Variants in DSG2 observed in about 807,000 individuals in gnomAD.
The protein encoded by DSG2 is desmoglein-2.
Under a neutral mutation model 75.6 loss-of-function variants are expected in DSG2, and 45 were observed. The ratio of observed to expected loss-of-function variants is 0.60; its 90% CI spans 0.47 to 0.76. The LOEUF is 0.76. Among genes scored for constraint, DSG2 ranks in the 30% least tolerant of loss-of-function variants. The pLI, the probability that DSG2 is intolerant of heterozygous loss-of-function variation, is 0.00. For synonymous variants in DSG2, 429 were observed against 483.9 expected (o/e 0.89, Z 1.49); for missense variants, 1,267 against 1,357.4 (o/e 0.93, Z 1.05).
intron 1 of DSG2, among the ~76,000 whole-genome samples, chr18:31,510,758 G>T (rs952071682): frequency 1.3e-5 from 2 of 152,156 alleles, no homozygotes; most frequent in Admixed American, 6.5e-5. Flanking sequence ...AGAATTTTTT[G>T]GTTCATCTGA....
At chr18:31,498,576 G>T (rs1352178011) in intron 1 of DSG2, among the ~76,000 whole-genome samples, 1 of 152,098 alleles carries the variant, frequency 6.6e-6, no homozygotes, top group African/African-American at 2.4e-5. Context: ...CTTTTCTGTG[G>T]TGTGTGGGTG....
rs121913008 is a variant in DSG2 at position 31,519,858 on chromosome 18, G to A, written c.137G>A (p.Arg46Gln). The change falls in exon 3 of 15, where the codon CGG becomes CAG. Residue 46 changes from arginine (R) to glutamine (Q), a missense_variant. By Grantham distance (43) the Arg-to-Gln change is conservative. Coordinates refer to ENST00000261590, the MANE Select transcript of DSG2 (RefSeq NM_001943.5). ...KLLPKHPHLVRQKRAWITAPV... is the reference protein window; with the variant it reads ...KLLPKHPHLVQQKRAWITAPV... ...CTTCCTAAACATCCTCATTTAGTGC[G>A]GCAAAAGCGCGCCTGGATCACCGCC... 6 of 1,613,972 alleles carry A rather than the reference G, an allele frequency of 3.7e-6. No individual in the cohort carries two copies. Among genetic ancestry groups the A allele is most frequent in the African/African-American group, 1.3e-5 (1 of 74,884 alleles).
At chr18:31,540,513 T>C (rs1438756743) in intron 12 of DSG2, among the ~76,000 whole-genome samples, 1 of 152,244 alleles carries the variant, frequency 6.6e-6, no homozygotes, top group Admixed American at 6.5e-5. Flanking sequence ...ACTTGATGAA[T>C]GTTTGTTAAA....
chr18:31,538,808 T>C lies in DSG2; in HGVS notation c.1709T>C (p.Phe570Ser). 6.2e-7 allele frequency: 1 copy of C among 1,614,186 alleles called. No individual in the cohort carries two copies. The highest frequency in any genetic ancestry group is 8.5e-7 in the Non-Finnish European group (1 of 1,180,032). ...EKKLGRSEIQ[F>S]LISDNQGFSC... ...AAGCTTGGGAGAAGTGAAATTCAGT[T>C]CCTGATTTCAGACAATCAGGGTTTT... The change falls in exon 12 of 15, where the codon TTC becomes TCC. Residue 570 changes from phenylalanine (F) to serine (S), a missense_variant. By Grantham distance (155) the Phe-to-Ser change is radical. Coordinates refer to ENST00000261590, the MANE Select transcript of DSG2 (RefSeq NM_001943.5).
chr18:31,543,286 A>G (rs2073282233), intron 14 of DSG2: 1 of 161,634 alleles, frequency 6.2e-6, no homozygotes, highest in Non-Finnish European at 1.4e-5. Flanking sequence ...TCATTGACCA[A>G]AGCAAGTCAT....
intron 1 of DSG2, 68 bp downstream of exon 1, chr18:31,498,364 C>T (rs2072995261): frequency 1.6e-6 from 2 of 1,240,726 alleles, no homozygotes; most frequent in Non-Finnish European, 2.0e-6. Context: ...GTCTAGACCT[C>T]GCGACCAGAC....
Position 31,546,652 on chromosome 18 carries a change from G to T in DSG2, c.3266G>T (p.Gly1089Val), listed in dbSNP as rs200264407. 31 of 1,614,020 alleles carry T rather than the reference G, an allele frequency of 1.9e-5. No homozygotes were observed. Among genetic ancestry groups the T allele is most frequent in the Non-Finnish European group, 2.5e-5 (29 of 1,180,030 alleles). The change falls in exon 15 of 15, where the codon GGT (glycine) becomes GTT (valine). Residue 1089 changes from glycine (G) to valine (V), a missense_variant. By Grantham distance (109) the Gly-to-Val change is moderately radical. Transcript: ENST00000261590. Reference protein sequence around the residue: ...AGVPGPLPDFGLEESGHSNST... With the variant: ...AGVPGPLPDFVLEESGHSNST... The stretch of plus-strand genomic sequence containing the variant: ...GTCCCTGGCCCTCTGCCAGATTTTG[G>T]TTTAGAGGAATCTGGTCATTCTAAT...
chr18:31,547,108 G>C lies in DSG2; in HGVS notation c.*365G>C, dbSNP rs2144362835. 1 of 369,780 alleles carries C rather than the reference G, an allele frequency of 2.7e-6. No individual in the cohort carries two copies. Among genetic ancestry groups the C allele is most frequent in the Non-Finnish European group, 5.2e-6 (1 of 193,352 alleles). The allele number at this position is 369,780 out of a possible 1,614,324, so 22.9% of individuals were successfully genotyped here. A position where few individuals can be genotyped will look rare whatever the true frequency, so the allele number is the denominator to read the frequency against. The stretch of plus-strand genomic sequence containing the variant: ...GTCCAGTAAAGCAACCCAGGAAACT[G>C]ACTGGGTCTCTTTGCCTACCGTATT... On this transcript the variant is annotated 3_prime_UTR_variant, in exon 15 of 15. Transcript: ENST00000261590.
chr18:31,519,693 G>A, intron 2 of DSG2, 110 bp from the exon 3 acceptor site: 1 of 1,163,230 alleles, frequency 8.6e-7, no homozygotes, highest in Non-Finnish European at 1.3e-6. Context: ...GAAATACGAA[G>A]CATACCTTAA....
Position 31,541,297 on chromosome 18 carries a change from G to A in DSG2, c.1984G>A (p.Ala662Thr), listed in dbSNP as rs1186896680. 1.9e-6 allele frequency: 3 copies of A among 1,613,624 alleles called. No homozygotes were observed. Among genetic ancestry groups the A allele is most frequent in the Admixed American group, 3.3e-5 (2 of 59,986 alleles). ...EMLHPWNNEGAPPEDKVVPSF... is the reference protein window; with the variant it reads ...EMLHPWNNEGTPPEDKVVPSF... ...GCTGCATCCTTGGAATAATGAAGGA[G>A]CACCACCTGAAGACAAGGTCAGTGG... The change falls in exon 13 of 15, where the codon GCA becomes ACA. Residue 662 changes from alanine to threonine, a missense_variant. By Grantham distance (58) the Ala-to-Thr change is moderately conservative. Coordinates refer to ENST00000261590, the MANE Select transcript of DSG2 (RefSeq NM_001943.5).
intron 12 of DSG2, among the ~76,000 whole-genome samples, chr18:31,539,515 G>A (rs1304941162): frequency 1.3e-5 from 2 of 152,180 alleles, no homozygotes; most frequent in Non-Finnish European, 2.9e-5. Flanking sequence ...AGCACTTCCT[G>A]TCCTTCCTGA....
In DSG2 at chr18:31,507,789, T is replaced by C. The variant is rs534498852; in HGVS notation, c.45+9493T>C. Among the ~76,000 whole-genome samples the C allele has an allele frequency of 3.5e-4, 53 of 152,334 alleles. No individual in the cohort carries two copies. In the South Asian group the frequency reaches 0.01, roughly 29 times the overall value. ...GATAGGGCTGAGTGTTTTTTTCTTG[T>C]AAATTTGTTTAAGTTCCTTGTAGAT... On this transcript the variant is annotated intron_variant, in intron 1 of 14. Transcript: ENST00000261590.
chr18:31,530,573 A>G (rs2073189659), intron 8 of DSG2, among the ~76,000 whole-genome samples: 1 of 152,072 alleles, frequency 6.6e-6, no homozygotes, highest in Non-Finnish European at 1.5e-5. Flanking sequence ...ACGAGCTATC[A>G]TGCACAGCTA....
chr18:31,540,265 A>G (rs967051469), intron 12 of DSG2, among the ~76,000 whole-genome samples: 4 of 152,204 alleles, frequency 2.6e-5, no homozygotes, highest in African/African-American at 9.6e-5. Context: ...TATTAGAGCC[A>G]TTGGTAGATG....
At chr18:31,539,433 A>G (rs943818694) in intron 12 of DSG2, among the ~76,000 whole-genome samples, 6 of 152,346 alleles carry the variant, frequency 3.9e-5, no homozygotes, top group Middle Eastern at 6.8e-3. Context: ...TCAACTTATC[A>G]GAGCTCCGCC....
chr18:31,498,630 G>A (rs1260347020), intron 1 of DSG2, among the ~76,000 whole-genome samples: 1 of 152,286 alleles, frequency 6.6e-6, no homozygotes, highest in African/African-American at 2.4e-5. Context: ...GGGGTCGGAG[G>A]CTTTGTTGAG....
intron 1 of DSG2, among the ~76,000 whole-genome samples, chr18:31,510,617 A>G (rs1568102021): frequency 6.6e-6 from 1 of 152,206 alleles, no homozygotes; most frequent in African/African-American, 2.4e-5. Flanking sequence ...TTTGCCAGAT[A>G]CCAGGAAGTC....
chr18:31,535,154 GC>G (rs1216504683), intron 9 of DSG2, 115 bp from the exon 10 acceptor site: 1 of 763,700 alleles, frequency 1.3e-6, no homozygotes, highest in Non-Finnish European at 2.2e-6. Flanking sequence ...CAAAACAAAT[GC>G]CTGTAATAAG....
chr18:31,523,127 C>T (rs117003475), intron 6 of DSG2, among the ~76,000 whole-genome samples: 2,054 of 152,246 alleles, frequency 0.013, 26 homozygotes, highest in Non-Finnish European at 0.023. Context: ...ATTGGCCGGG[C>T]GTGGTGGCTC....
Sources: allele counts gnomAD v4.1 joint callset (sites outside exome capture counted in the v4.1 genomes callset), GRCh38; gene constraint gnomAD v4.1.1; transcripts MANE v1.5; gene names NCBI Gene and HGNC (gene_info 2026-07-23, HGNC 2026-07-21).